Variants in FARS2 observed in about 807,000 individuals in gnomAD.
The protein encoded by FARS2 is phenylalanyl-tRNA synthetase 2, mitochondrial.
FARS2 carries 40 observed loss-of-function variants against 46.4 expected under a neutral mutation model. The ratio of observed to expected loss-of-function variants is 0.86; its 90% confidence interval spans 0.67 to 1.12. The LOEUF (loss-of-function observed/expected upper bound fraction) is 1.12. FARS2 is among the 50% of genes most tolerant of loss of function. The probability of loss-of-function intolerance (pLI) is 0.00; values close to 1 mark genes in which losing one functional copy is unlikely to be tolerated. For missense variants in FARS2, 513 were observed against 567.9 expected, an observed-to-expected ratio of 0.90 and a Z score of 0.98; for synonymous variants, 234 against 214.9, an observed-to-expected ratio of 1.09 and a Z score of -0.78.
intron 4 of FARS2, among the ~76,000 whole-genome samples, chr6:5,466,300 G>A (rs1765510919): frequency 6.6e-6 from 1 of 151,946 alleles, no homozygotes; most frequent in South Asian, 2.1e-4. Flanking sequence ...CCAACTCCAG[G>A]CCAACATGAA....
At chr6:5,257,255 C>A (rs1043361113), upstream of FARS2, among the ~76,000 whole-genome samples, 1 of 152,146 alleles carries the variant, frequency 6.6e-6, no homozygotes, top group East Asian at 1.9e-4. Flanking sequence ...GTCACCGCCC[C>A]CCCAACCCCA....
intron 4 of FARS2, among the ~76,000 whole-genome samples, chr6:5,519,211 A>C (rs929841859): frequency 1.9e-4 from 29 of 152,190 alleles, no homozygotes; most frequent in Non-Finnish European, 4.0e-4. Flanking sequence ...GTTGTTTCCC[A>C]TGTCAGAACA....
At chr6:5,723,891 A>G (rs1760075375) in intron 6 of FARS2, among the ~76,000 whole-genome samples, 2 of 152,242 alleles carry the variant, frequency 1.3e-5, no homozygotes, top group African/African-American at 4.8e-5. Context: ...CGGCCACAGC[A>G]GGCGGTCTCT....
intron 5 of FARS2, among the ~76,000 whole-genome samples, chr6:5,594,779 CAG>C (rs1774106193): frequency 1.3e-5 from 2 of 152,194 alleles, no homozygotes; most frequent in Admixed American, 1.3e-4. Flanking sequence ...CCTCCAAGGA[CAG>C]GGGCTGTGCT....
In FARS2 at chr6:5,368,773, G is replaced by A. The variant is rs368352168; in HGVS notation, c.203G>A (p.Arg68Gln). The A allele has an allele frequency of 7.4e-6, 12 of 1,614,158 alleles. No homozygotes were observed. The highest frequency in any genetic ancestry group is 6.7e-5 in the Admixed American group (4 of 60,026). ...CAGGACGACCACAGCAACCTCACCCGGAAGGTCCTCACCAGAGTTGGCAGG... is the reference window on the plus strand; with the variant it reads ...CAGGACGACCACAGCAACCTCACCCAGAAGGTCCTCACCAGAGTTGGCAGG... ...YPQDDHSNLT[R>Q]KVLTRVGRNL... The change falls in exon 2 of 7, where the codon CGG becomes CAG. Residue 68 changes from arginine (R) to glutamine (Q), a missense_variant. By Grantham distance (43) the Arg-to-Gln change is conservative. Coordinates refer to ENST00000274680, the MANE Select transcript of FARS2 (RefSeq NM_006567.5).
At chr6:5,519,607 A>G (rs999681687) in intron 4 of FARS2, among the ~76,000 whole-genome samples, 1 of 152,214 alleles carries the variant, frequency 6.6e-6, no homozygotes, top group Non-Finnish European at 1.5e-5. Flanking sequence ...CAACAAGGCC[A>G]ACGAAGAAGA....
intron 6 of FARS2, among the ~76,000 whole-genome samples, chr6:5,750,548 G>A (rs1761886728): frequency 6.6e-6 from 1 of 152,148 alleles, no homozygotes; most frequent in Non-Finnish European, 1.5e-5. Context: ...CTGGTAGGCG[G>A]GAAGAGAAGG....
At chr6:5,426,265 T>G (rs1762844210) in intron 3 of FARS2, among the ~76,000 whole-genome samples, 1 of 152,224 alleles carries the variant, frequency 6.6e-6, no homozygotes. Flanking sequence ...CAATAAGAAG[T>G]TAGTCTTATG....
In FARS2 at chr6:5,443,966, A is replaced by G. The variant is rs116533096; in HGVS notation, c.904+12794A>G. Among the ~76,000 whole-genome samples the G allele has an allele frequency of 3.7e-3, 569 of 152,270 alleles. 3 individuals carry two copies. Among genetic ancestry groups the G allele is most frequent in the Non-Finnish European group, 5.0e-3 (342 of 68,014 alleles). On this transcript the variant is annotated intron_variant, in intron 4 of 6. Coordinates refer to ENST00000274680, the MANE Select transcript of FARS2 (RefSeq NM_006567.5). ...ACTTCCCTCCCTCTGCAGAGAAGCCACTGAAATAGTTTCTCAGTATTTTAG... is the reference window on the plus strand; with the variant it reads ...ACTTCCCTCCCTCTGCAGAGAAGCCGCTGAAATAGTTTCTCAGTATTTTAG...
chr6:5,321,213 C>A (rs1230266023), intron 1 of FARS2, among the ~76,000 whole-genome samples: 1 of 152,128 alleles, frequency 6.6e-6, no homozygotes, highest in Non-Finnish European at 1.5e-5. Flanking sequence ...TCACTATGTA[C>A]CTTCCAGGTG....
chr6:5,555,453 T>G (rs930365394), intron 5 of FARS2, among the ~76,000 whole-genome samples: 1 of 152,166 alleles, frequency 6.6e-6, no homozygotes, highest in Non-Finnish European at 1.5e-5. Flanking sequence ...TAGTTAATTC[T>G]CTAAGTCCTT....
intron 6 of FARS2, among the ~76,000 whole-genome samples, chr6:5,641,274 G>A (rs1045425723): frequency 1.3e-5 from 2 of 151,262 alleles, no homozygotes; most frequent in African/African-American, 2.5e-5. Context: ...TCCGTTTCAC[G>A]TGTCCCCAGT....
chr6:5,278,988 GGTGAT>G (rs1198995089), intron 1 of FARS2, among the ~76,000 whole-genome samples: 2 of 152,184 alleles, frequency 1.3e-5, no homozygotes, highest in East Asian at 1.9e-4. Context: ...CAGAGGTCTT[GGTGAT>G]GTGTCTTGCA....
intron 4 of FARS2, among the ~76,000 whole-genome samples, chr6:5,494,372 A>G (rs1212758785): frequency 6.6e-6 from 1 of 152,186 alleles, no homozygotes. Flanking sequence ...AAGCTCCTGT[A>G]GCCGCAGGAC....
chr6:5,376,382 A>T (rs1759382291), intron 2 of FARS2, among the ~76,000 whole-genome samples: 1 of 152,204 alleles, frequency 6.6e-6, no homozygotes, highest in Non-Finnish European at 1.5e-5. Flanking sequence ...GATAATCCTC[A>T]CAATACCAAA....
At chr6:5,414,129 C>G (rs1169235035) in intron 3 of FARS2, among the ~76,000 whole-genome samples, 2 of 152,162 alleles carry the variant, frequency 1.3e-5, no homozygotes, top group Non-Finnish European at 2.9e-5. Flanking sequence ...TGCTGCCCGA[C>G]AGAGGCAGCA....
At chr6:5,290,847 G>A (rs1767453231) in intron 1 of FARS2, among the ~76,000 whole-genome samples, 2 of 152,108 alleles carry the variant, frequency 1.3e-5, no homozygotes, top group South Asian at 2.1e-4. Flanking sequence ...AGCTTCTCCA[G>A]TAACTGGGAT....
At chr6:5,549,998 G>T (rs1478880802) in intron 5 of FARS2, among the ~76,000 whole-genome samples, 1 of 152,008 alleles carries the variant, frequency 6.6e-6, no homozygotes, top group Non-Finnish European at 1.5e-5. Context: ...TGACACTCTG[G>T]GTATGATTCA....
intron 2 of FARS2, among the ~76,000 whole-genome samples, chr6:5,391,150 G>T (rs1389477750): frequency 6.6e-6 from 1 of 152,158 alleles, no homozygotes. Context: ...TGACCCTATT[G>T]CCCCTTTTAA....
Sources: allele counts gnomAD v4.1 joint callset (sites outside exome capture counted in the v4.1 genomes callset), GRCh38; gene constraint gnomAD v4.1.1; transcripts MANE v1.5; gene names NCBI Gene and HGNC (gene_info 2026-07-23, HGNC 2026-07-21).